PRDX4: variants seen among roughly 807,000 people sequenced by gnomAD.
PRDX4 encodes the protein peroxiredoxin 4.
In PRDX4, 12 loss-of-function variants were observed where a neutral mutation model predicts 20.5. The ratio of observed to expected loss-of-function variants is 0.58; its 90% confidence interval spans 0.37 to 0.95. The LOEUF (loss-of-function observed/expected upper bound fraction) is 0.95, where lower values mean the gene tolerates loss of function less well. Ranked by LOEUF, PRDX4 falls within the 40% of genes least tolerant of loss-of-function variation. PRDX4 has a pLI of 0.01. For missense variants in PRDX4, 180 were observed against 207.3 expected, an observed-to-expected ratio of 0.87 and a Z score of 0.81; for synonymous variants, 99 against 87.5, an observed-to-expected ratio of 1.13 and a Z score of -0.73.
At chrX:23,672,121 C>T (rs889616332) in intron 2 of PRDX4, among the ~76,000 whole-genome samples, 1 of 111,251 alleles carries the variant, frequency 9.0e-6, no homozygotes, top group African/African-American at 3.3e-5. Context: ...ATTAGCTGGG[C>T]GTGGTGGTAC....
chrX:23,672,089 C>T (rs1273199891), intron 2 of PRDX4, among the ~76,000 whole-genome samples: 1 of 111,261 alleles, frequency 9.0e-6, no homozygotes, highest in Non-Finnish European at 1.9e-5. Context: ...GGTAAAACCC[C>T]ATCTCTACTA....
At chrX:23,685,120 G>A (rs1239130304) in intron 6 of PRDX4, among the ~76,000 whole-genome samples, 2 of 112,319 alleles carry the variant, frequency 1.8e-5, no homozygotes, top group East Asian at 5.6e-4. Context: ...AGTTAATCAT[G>A]TAAATAGTCA....
chrX:23,674,992 C>T lies in PRDX4; in HGVS notation c.362C>T (p.Thr121Ile), dbSNP rs1331908229. The T allele has an allele frequency of 1.7e-6, 2 of 1,204,480 alleles. No homozygotes were observed. Among genetic ancestry groups the T allele is most frequent in the Admixed American group, 4.4e-5 (2 of 45,441 alleles). Residue 121 changes from threonine (T) to isoleucine (I), a missense_variant and splice_region_variant, in exon 3 of 7, where the codon ACA becomes ATA. Physicochemically the swap from Thr to Ile is moderately conservative, Grantham distance 89. Transcript: ENST00000379341. Reference protein sequence around the residue: ...LVFFFYPLDFTFVCPTEIIAF... With the variant: ...LVFFFYPLDFIFVCPTEIIAF... Reference sequence around the variant, plus strand: ...ATTTTTTTTTTTTTACCTTTCAGCACATTTGTGTGTCCAACTGAAATTATC... The same window carrying T: ...ATTTTTTTTTTTTTACCTTTCAGCATATTTGTGTGTCCAACTGAAATTATC...
At chrX:23,678,545 G>A (rs795494) in intron 3 of PRDX4, among the ~76,000 whole-genome samples, 2 of 107,762 alleles carry the variant, frequency 1.9e-5, no homozygotes, top group South Asian at 4.0e-4. Flanking sequence ...CAGGAGAATC[G>A]CTTGAACCTG....
At chrX:23,682,825 C>CAAAAAAAAAAAAAAA (rs568865999) in intron 5 of PRDX4, among the ~76,000 whole-genome samples, 2 of 9,584 alleles carry the variant, frequency 2.1e-4, no homozygotes, top group African/African-American at 9.7e-4. Flanking sequence ...TACTAAAAAT[C>CAAAAAAAAAAAAAAA]AAAAAAAAAA....
At chrX:23,686,043 G>C in intron 6 of PRDX4, 1 of 449,560 alleles carries the variant, frequency 2.2e-6, no homozygotes, top group Non-Finnish European at 4.2e-6. Context: ...GGCCAAGAGA[G>C]AGCTGTAAGT....
At chrX:23,679,922 C>T (rs1459227711) in intron 4 of PRDX4, among the ~76,000 whole-genome samples, 1 of 111,958 alleles carries the variant, frequency 8.9e-6, no homozygotes, top group Non-Finnish European at 1.9e-5. Flanking sequence ...GCGGAGGTTG[C>T]GGTGAGGCGA....
At chrX:23,681,805 C>A (rs952556475) in intron 4 of PRDX4, among the ~76,000 whole-genome samples, 1 of 112,128 alleles carries the variant, frequency 8.9e-6, no homozygotes, top group Non-Finnish European at 1.9e-5. Flanking sequence ...CTTTGGGAGG[C>A]CGAGGCAGGT....
At chrX:23,677,545 G>A (rs1412707222) in intron 3 of PRDX4, among the ~76,000 whole-genome samples, 1 of 112,081 alleles carries the variant, frequency 8.9e-6, no homozygotes, top group Non-Finnish European at 1.9e-5. Flanking sequence ...TACTCAACCT[G>A]TAGTGAAGAC....
At chrX:23,681,395 A>C (rs903998645) in intron 4 of PRDX4, among the ~76,000 whole-genome samples, 1 of 112,209 alleles carries the variant, frequency 8.9e-6, no homozygotes, top group Non-Finnish European at 1.9e-5. Context: ...GGCTTTAGGC[A>C]ACCACAAATC....
intron 3 of PRDX4, 63 bp from the exon 4 acceptor site, chrX:23,679,100 AAG>A (rs781153437): frequency 7.2e-5 from 81 of 1,118,996 alleles, no homozygotes; most frequent in Non-Finnish European, 9.1e-5. Context: ...TGTATAGAGA[AAG>A]AGTGCTGTTT....
chrX:23,675,800 A>G (rs1927934905), intron 3 of PRDX4, among the ~76,000 whole-genome samples: 1 of 111,833 alleles, frequency 8.9e-6, no homozygotes, highest in Non-Finnish European at 1.9e-5. Flanking sequence ...TAGTGTCCAC[A>G]GTCTTGTGCA....
chrX:23,680,196 T>C (rs1288556948), intron 4 of PRDX4, among the ~76,000 whole-genome samples: 1 of 111,761 alleles, frequency 8.9e-6, no homozygotes, highest in African/African-American at 3.3e-5. Flanking sequence ...GCCAAAGTTA[T>C]ATAATAATTT....
intron 3 of PRDX4, 139 bp downstream of exon 3, chrX:23,675,245 A>G: frequency 2.8e-6 from 3 of 1,067,305 alleles, no homozygotes; most frequent in Non-Finnish European, 3.7e-6. Context: ...AGAGTAATAC[A>G]TGTAACTACA....
chrX:23,676,136 C>CAAAAAAAAAAAAAAA (rs55792240), intron 3 of PRDX4, among the ~76,000 whole-genome samples: 2 of 54,985 alleles, frequency 3.6e-5, no homozygotes, highest in Non-Finnish European at 6.5e-5. Context: ...AACTCCATCT[C>CAAAAAAAAAAAAAAA]AAAAAAAAAA....
At position 23,667,796 on chromosome X, in the gene PRDX4, C is replaced by T. The variant is rs371383101; in HGVS notation, c.226C>T (p.Leu76=). ...ATCGGTCGCCGACCACTCCCTGCAC[C>T]TAAGCAAAGCGAAGAGTAGGTGGTG... ...RVSVADHSLH[L]SKAKISKPAP... is the part of the protein sequence containing the mutation. The change falls in exon 1 of 7, where the codon CTA becomes TTA. Residue 76 remains leucine (L), a synonymous_variant. Coordinates refer to ENST00000379341, the MANE Select transcript of PRDX4 (RefSeq NM_006406.2). The T allele has an allele frequency of 2.2e-5, 26 of 1,209,252 alleles. No individual in the cohort carries two copies. The highest frequency in any genetic ancestry group is 2.9e-5 in the Non-Finnish European group (26 of 894,861).
rs747563655 is a variant in PRDX4, at chrX:23,667,548, C to T, written c.-23C>T. The T allele has an allele frequency of 3.4e-6, 4 of 1,167,511 alleles. No homozygotes were observed. Among genetic ancestry groups the T allele is most frequent in the African/African-American group, 1.8e-5 (1 of 56,521 alleles). On this transcript the variant is annotated 5_prime_UTR_variant, in exon 1 of 7. It adds an upstream start codon to the 5' untranslated region. Transcript: ENST00000379341. ...CAGAAGCGGCGCTCGCGCCAAGGGA[C>T]GTGTTTCTGCGCTCGCGTGGTCATG...
Position 23,676,136 on chromosome X carries a change from C to CAAAAAAA in PRDX4, c.476+1055_476+1061dup, listed in dbSNP as rs55792240. Among the ~76,000 whole-genome samples the CAAAAAAA allele has an allele frequency of 1.9e-3, 107 of 54,975 alleles. 2 individuals carry two copies. The highest frequency in any genetic ancestry group is 2.7e-3 in the South Asian group (2 of 737). The allele number at this position is 54,975 out of a possible 115,157, so 47.7% of individuals were successfully genotyped here. A position where few individuals can be genotyped will look rare whatever the true frequency, so the allele number is the denominator to read the frequency against. Reference sequence around the variant, plus strand: ...GGGCAATGAGAGTGAAACTCCATCTCAAAAAAAAAAAAAAAAAAAAAAAAA... The same window carrying CAAAAAAA: ...GGGCAATGAGAGTGAAACTCCATCTCAAAAAAAAAAAAAAAAAAAAAAAAAAAAAAAA... On this transcript the variant is annotated intron_variant, in intron 3 of 6. Coordinates refer to ENST00000379341, the MANE Select transcript of PRDX4 (RefSeq NM_006406.2).
chrX:23,685,095 T>C (rs1442495613), intron 6 of PRDX4, among the ~76,000 whole-genome samples: 1 of 112,439 alleles, frequency 8.9e-6, no homozygotes, highest in Non-Finnish European at 1.9e-5. Context: ...TTCTCAGAGA[T>C]TTGTGGCCCC....
Sources: allele counts gnomAD v4.1 joint callset (sites outside exome capture counted in the v4.1 genomes callset), GRCh38; gene constraint gnomAD v4.1.1; transcripts MANE v1.5; gene names NCBI Gene and HGNC (gene_info 2026-07-23, HGNC 2026-07-21).